The following ALK variants were observed in gnomAD, a reference collection of about 807,000 sequenced individuals.
ALK encodes ALK receptor tyrosine kinase.
In ALK, 74 loss-of-function variants were observed where a neutral mutation model predicts 163.1. The ratio of observed to expected loss-of-function variants is 0.45; its 90% CI spans 0.38 to 0.55. The LOEUF is 0.55. Ranked by LOEUF, ALK falls within the 20% of genes least tolerant of loss-of-function variation. The probability of loss-of-function intolerance (pLI) is 0.00; values close to 1 mark genes in which losing one functional copy is unlikely to be tolerated. For synonymous variants in ALK, 960 were observed against 843.2 expected (o/e 1.14, Z -2.40); for missense variants, 2,063 against 2,105.3 (o/e 0.98, Z 0.39).
chr2:29,595,456 G>C (rs1675185763), intron 3 of ALK, among the ~76,000 whole-genome samples: 1 of 152,050 alleles, frequency 6.6e-6, no homozygotes, highest in Non-Finnish European at 1.5e-5. Flanking sequence ...GAGTAACTGG[G>C]ACTACAGGCG....
At chr2:29,479,151 G>A (rs1297492042) in intron 4 of ALK, among the ~76,000 whole-genome samples, 6 of 152,138 alleles carry the variant, frequency 3.9e-5, no homozygotes, top group African/African-American at 1.4e-4. Flanking sequence ...GGAGCACTCA[G>A]GGTTCCCTGA....
chr2:29,605,274 G>A (rs1299332398), intron 3 of ALK, among the ~76,000 whole-genome samples: 1 of 152,204 alleles, frequency 6.6e-6, no homozygotes, highest in Non-Finnish European at 1.5e-5. Context: ...GACAGGAGGT[G>A]GAGCTCAGGT....
intron 3 of ALK, among the ~76,000 whole-genome samples, chr2:29,600,899 G>T (rs1157762978): frequency 2.0e-5 from 3 of 152,168 alleles, no homozygotes; most frequent in Non-Finnish European, 2.9e-5. Flanking sequence ...TATTTCTACT[G>T]GGGGTTAGCA....
At chr2:29,214,573 C>T (rs565877499) in intron 23 of ALK, among the ~76,000 whole-genome samples, 83 of 152,210 alleles carry the variant, frequency 5.5e-4, no homozygotes, top group African/African-American at 1.9e-3. Context: ...GCAGATCCAG[C>T]GCTAAAATTG....
rs184635483 is a variant in ALK at position 29,566,094 on chromosome 2, G to A, written c.953-33978C>T. ...CTTACAGGGACAAAAGCCGGGACAGGATGCCATGTGAAGTTTGGAGCCAGG... is the reference window on the plus strand; with the variant it reads ...CTTACAGGGACAAAAGCCGGGACAGAATGCCATGTGAAGTTTGGAGCCAGG... On this transcript the variant is annotated intron_variant, in intron 3 of 28. Transcript: ENST00000389048. 4.1e-3 allele frequency among the ~76,000 whole-genome samples: 621 copies of A among 152,300 alleles called. 7 individuals carry two copies. Among genetic ancestry groups the A allele is most frequent in the South Asian group, 0.016 (76 of 4,826 alleles).
intron 3 of ALK, among the ~76,000 whole-genome samples, chr2:29,591,386 T>G (rs997673300): frequency 6.6e-6 from 1 of 152,048 alleles, no homozygotes; most frequent in Admixed American, 6.5e-5. Context: ...TTTGGAAGCA[T>G]CCGGGCAGCC....
At chr2:29,860,445 T>C (rs968349194) in intron 1 of ALK, among the ~76,000 whole-genome samples, 1 of 144,108 alleles carries the variant, frequency 6.9e-6, no homozygotes, top group African/African-American at 2.5e-5. Flanking sequence ...AAGATACCAA[T>C]AGCAATTATC....
intron 8 of ALK, among the ~76,000 whole-genome samples, chr2:29,317,224 G>A (rs1293416992): frequency 6.6e-6 from 1 of 152,200 alleles, no homozygotes; most frequent in Admixed American, 6.5e-5. Flanking sequence ...CAACTTGACA[G>A]GAAACAAATT....
chr2:29,606,076 G>T (rs943815583), intron 3 of ALK, among the ~76,000 whole-genome samples: 1 of 151,986 alleles, frequency 6.6e-6, no homozygotes, highest in African/African-American at 2.4e-5. Flanking sequence ...CTTTTATTCA[G>T]ATCCAATAGG....
chr2:29,836,522 C>T (rs759544100), intron 1 of ALK, among the ~76,000 whole-genome samples: 2 of 152,122 alleles, frequency 1.3e-5, no homozygotes, highest in Non-Finnish European at 1.5e-5. Context: ...TCACAACTCC[C>T]TAGCCAGAGC....
At chr2:29,868,513 G>A (rs1666499924) in intron 1 of ALK, among the ~76,000 whole-genome samples, 1 of 152,196 alleles carries the variant, frequency 6.6e-6, no homozygotes, top group Non-Finnish European at 1.5e-5. Context: ...TTCAGAGTGT[G>A]TGTAAGGTCA....
chr2:29,854,102 TCCA>T (rs1239338290), intron 1 of ALK, among the ~76,000 whole-genome samples: 2 of 151,972 alleles, frequency 1.3e-5, no homozygotes, highest in African/African-American at 4.8e-5. Flanking sequence ...CCTGTCCTCC[TCCA>T]CCCTGCACAG....
intron 3 of ALK, among the ~76,000 whole-genome samples, chr2:29,598,637 A>T (rs1272766848): frequency 6.6e-6 from 1 of 152,222 alleles, no homozygotes; most frequent in Non-Finnish European, 1.5e-5. Flanking sequence ...CTACAAAGCT[A>T]TGTATAATCA....
At chr2:29,610,122 T>C in intron 3 of ALK, among the ~76,000 whole-genome samples, 1 of 152,232 alleles carries the variant, frequency 6.6e-6, no homozygotes, top group East Asian at 1.9e-4. Context: ...CCATTCATGT[T>C]GGATATAAGT....
chr2:29,202,099 C>T (rs1669196364), intron 26 of ALK, among the ~76,000 whole-genome samples: 1 of 152,162 alleles, frequency 6.6e-6, no homozygotes, highest in Non-Finnish European at 1.5e-5. Context: ...TGGCCCTGGG[C>T]TCCCTTAGCT....
At chr2:29,598,902 C>T (rs1411619529) in intron 3 of ALK, among the ~76,000 whole-genome samples, 1 of 151,918 alleles carries the variant, frequency 6.6e-6, no homozygotes, top group African/African-American at 2.4e-5. Context: ...TACAAGGCAC[C>T]TTAAGCCATC....
At chr2:29,477,934 C>A (rs921528419) in intron 4 of ALK, among the ~76,000 whole-genome samples, 2 of 152,188 alleles carry the variant, frequency 1.3e-5, no homozygotes, top group African/African-American at 4.8e-5. Context: ...AAGGAAGGCA[C>A]TTCTGCCAGC....
At chr2:29,897,307 C>T (rs1443151926) in intron 1 of ALK, among the ~76,000 whole-genome samples, 1 of 151,668 alleles carries the variant, frequency 6.6e-6, no homozygotes, top group African/African-American at 2.4e-5. Context: ...TACCACTGTA[C>T]TCCAGCCTGG....
chr2:29,419,275 G>A (rs1473335472), intron 4 of ALK, among the ~76,000 whole-genome samples: 5 of 151,290 alleles, frequency 3.3e-5, no homozygotes, highest in South Asian at 2.1e-4. Flanking sequence ...GTCTGGTCTC[G>A]AACTCCTGAC....
Sources: allele counts gnomAD v4.1 joint callset (sites outside exome capture counted in the v4.1 genomes callset), GRCh38; gene constraint gnomAD v4.1.1; transcripts MANE v1.5; gene names NCBI Gene and HGNC (gene_info 2026-07-23, HGNC 2026-07-21).